PLPPR1: variants seen among roughly 807,000 people sequenced by gnomAD.
The protein encoded by PLPPR1 is phospholipid phosphatase related 1, also known as phospholipid phosphatase-related protein type 1.
PLPPR1 carries 10 observed loss-of-function variants against 33.1 expected under a neutral mutation model. That is an observed-to-expected ratio of 0.30 (90% CI 0.19 to 0.51). The LOEUF is 0.51. Ranked by LOEUF, PLPPR1 falls within the 20% of genes least tolerant of loss-of-function variation. The pLI, the probability that PLPPR1 is intolerant of heterozygous loss-of-function variation, is 0.97. For missense variants in PLPPR1, 304 were observed against 408.1 expected, an observed-to-expected ratio of 0.74 and a Z score of 2.20; for synonymous variants, 151 against 151.0, an observed-to-expected ratio of 1.00 and a Z score of 0.00.
chr9:101,242,870 T>C (rs78998734), intron 2 of PLPPR1, among the ~76,000 whole-genome samples: 219 of 152,182 alleles, frequency 1.4e-3, no homozygotes, highest in African/African-American at 5.1e-3. Flanking sequence ...ATGGTGAGCA[T>C]TGTCATGCAA....
At chr9:101,234,716 C>T (rs1045265822) in intron 2 of PLPPR1, among the ~76,000 whole-genome samples, 2 of 151,908 alleles carry the variant, frequency 1.3e-5, no homozygotes, top group African/African-American at 4.8e-5. Flanking sequence ...AATACCTAGC[C>T]TTTGTCTGCC....
intron 1 of PLPPR1, among the ~76,000 whole-genome samples, chr9:101,139,192 G>A (rs564840197): frequency 1.9e-4 from 29 of 152,264 alleles, no homozygotes; most frequent in African/African-American, 6.3e-4. Context: ...CTCTTGGGAT[G>A]AATACATTAT....
chr9:101,248,962 T>A (rs1291874896), intron 2 of PLPPR1, among the ~76,000 whole-genome samples: 2 of 151,928 alleles, frequency 1.3e-5, no homozygotes, highest in East Asian at 3.9e-4. Flanking sequence ...CCAAAATACA[T>A]CTGGGAACAA....
chr9:101,070,446 A>C (rs10989369), intron 1 of PLPPR1, among the ~76,000 whole-genome samples: 5,927 of 152,108 alleles, frequency 0.039, 178 homozygotes, highest in East Asian at 0.081. Flanking sequence ...AAAAACCAGA[A>C]AAGGAAGAAT....
chr9:101,035,809 G>A (rs183889265), intron 1 of PLPPR1, among the ~76,000 whole-genome samples: 5 of 152,210 alleles, frequency 3.3e-5, no homozygotes, highest in South Asian at 2.1e-4. Flanking sequence ...TCAAAGATTC[G>A]TTAGAAGTTA....
intron 3 of PLPPR1, among the ~76,000 whole-genome samples, chr9:101,278,576 G>A (rs12000318): frequency 0.011 from 1,721 of 152,230 alleles, 28 homozygotes; most frequent in African/African-American, 0.037. Context: ...CCATCCACTT[G>A]GGGGAAAGAG....
At chr9:101,036,247 A>C (rs532075443) in intron 1 of PLPPR1, among the ~76,000 whole-genome samples, 41 of 152,300 alleles carry the variant, frequency 2.7e-4, no homozygotes, top group South Asian at 1.7e-3. Context: ...AAATGCAGGA[A>C]CAGTGTATAT....
chr9:101,246,067 T>G (rs1474610802), intron 2 of PLPPR1, among the ~76,000 whole-genome samples: 2 of 54,808 alleles, frequency 3.6e-5, no homozygotes, highest in South Asian at 6.6e-4. Flanking sequence ...TATATATATA[T>G]ATATATATAT....
In PLPPR1 at chr9:101,242,202, A is replaced by C. The variant is rs1827484217; in HGVS notation, c.64-27678A>C. ...GACTTTGGAGTGTGGGTACTTCAAG[A>C]AGAGACATTCCAAGAGACCAAGGGA... On this transcript the variant is annotated intron_variant, in intron 2 of 7. Transcript: ENST00000374874. Among the ~76,000 whole-genome samples, 4 of 151,712 alleles carry C rather than the reference A, an allele frequency of 2.6e-5. 1 individual carries two copies. Among genetic ancestry groups the C allele is most frequent in the Admixed American group, 2.6e-4 (4 of 15,214 alleles).
intron 1 of PLPPR1, among the ~76,000 whole-genome samples, chr9:101,165,516 T>C (rs1399938090): frequency 6.6e-6 from 1 of 152,160 alleles, no homozygotes; most frequent in Non-Finnish European, 1.5e-5. Flanking sequence ...GGGAATAAAT[T>C]TACAATAGGA....
chr9:101,110,609 C>T (rs1287326183), intron 1 of PLPPR1, among the ~76,000 whole-genome samples: 1 of 151,990 alleles, frequency 6.6e-6, no homozygotes, highest in Non-Finnish European at 1.5e-5. Flanking sequence ...GTAAAATTAT[C>T]AAAAGGATTG....
At chr9:101,224,335 T>C (rs1827015125) in intron 2 of PLPPR1, among the ~76,000 whole-genome samples, 1 of 152,192 alleles carries the variant, frequency 6.6e-6, no homozygotes, top group African/African-American at 2.4e-5. Context: ...CTATTCAATT[T>C]TGAACATTCA....
At chr9:101,144,185 A>G (rs112911858) in intron 1 of PLPPR1, among the ~76,000 whole-genome samples, 7,909 of 151,914 alleles carry the variant, frequency 0.052, 712 homozygotes, top group African/African-American at 0.18. Flanking sequence ...CAAACACCGC[A>G]TGTTCTCACT....
chr9:101,146,996 A>G (rs1831528747), intron 1 of PLPPR1, among the ~76,000 whole-genome samples: 1 of 152,200 alleles, frequency 6.6e-6, no homozygotes. Flanking sequence ...AAATGTCGCT[A>G]TGACATTTTT....
chr9:101,075,997 A>G (rs1027182712), intron 1 of PLPPR1, among the ~76,000 whole-genome samples: 1 of 152,194 alleles, frequency 6.6e-6, no homozygotes, highest in Non-Finnish European at 1.5e-5. Flanking sequence ...CCAGTGACAC[A>G]GAAGGGGCAC....
chr9:101,264,828 G>A (rs1306177615), intron 2 of PLPPR1, among the ~76,000 whole-genome samples: 1 of 152,108 alleles, frequency 6.6e-6, no homozygotes, highest in African/African-American at 2.4e-5. Flanking sequence ...CTGTGCCCCA[G>A]GAAGCCCCTC....
intron 2 of PLPPR1, among the ~76,000 whole-genome samples, chr9:101,195,763 G>A (rs1009699029): frequency 2.8e-4 from 42 of 152,260 alleles, no homozygotes; most frequent in African/African-American, 1.0e-3. Context: ...TTCCTATGCT[G>A]TATACCATGT....
chr9:101,294,357 G>A (rs1187524376), intron 4 of PLPPR1, among the ~76,000 whole-genome samples: 9 of 151,590 alleles, frequency 5.9e-5, no homozygotes, highest in East Asian at 1.9e-4. Flanking sequence ...ATTCACAGCC[G>A]AATTCTACCA....
chr9:101,223,475 G>A (rs923972204), intron 2 of PLPPR1, among the ~76,000 whole-genome samples: 2 of 152,124 alleles, frequency 1.3e-5, no homozygotes, highest in Non-Finnish European at 2.9e-5. Flanking sequence ...AGAAAATGAT[G>A]TATGAATATT....
Sources: allele counts gnomAD v4.1 joint callset (sites outside exome capture counted in the v4.1 genomes callset), GRCh38; gene constraint gnomAD v4.1.1; transcripts MANE v1.5; gene names NCBI Gene and HGNC (gene_info 2026-07-23, HGNC 2026-07-21).